The following SCGB1D1 variants were observed in gnomAD, a reference collection of about 807,000 sequenced individuals.
SCGB1D1 encodes the protein lipophilin A (uteroglobin family member).
A neutral mutation model predicts 8.3 loss-of-function variants in SCGB1D1; 10 were observed. That is an observed-to-expected ratio of 1.21 (90% confidence interval 0.74 to 2.05). The LOEUF is 2.05. SCGB1D1 is among the 30% of genes most tolerant of loss of function. The pLI is 0.00. For missense variants in SCGB1D1, 94 were observed against 105.1 expected (o/e 0.89, Z 0.46); for synonymous variants, 46 against 41.7 (o/e 1.10, Z -0.39).
chr11:62,193,431 T>G lies in SCGB1D1; in HGVS notation c.*3T>G, dbSNP rs1295212404. ...TAGCAGAGAAATGTGATCGCTGAGATGTAAAAAGTTTTTAATGCTAGTTTC... is the reference window on the plus strand; with the variant it reads ...TAGCAGAGAAATGTGATCGCTGAGAGGTAAAAAGTTTTTAATGCTAGTTTC... On this transcript the variant is annotated 3_prime_UTR_variant, in exon 3 of 3. Transcript: ENST00000306238. 6.2e-7 allele frequency: 1 copy of G among 1,612,088 alleles called. No individual in the cohort carries two copies. The highest frequency in any genetic ancestry group is 8.5e-7 in the Non-Finnish European group (1 of 1,178,802).
At chr11:62,190,721 C>T (rs1026242547) in intron 1 of SCGB1D1, among the ~76,000 whole-genome samples, 4 of 152,072 alleles carry the variant, frequency 2.6e-5, no homozygotes, top group Non-Finnish European at 5.9e-5. Flanking sequence ...GAGCTTCTTC[C>T]GGGAGTGGCA....
Position 62,190,280 on chromosome 11 carries a change from C to G in SCGB1D1, c.-5C>G. 1 of 1,614,140 alleles carries G rather than the reference C, an allele frequency of 6.2e-7. No individual in the cohort carries two copies. The highest frequency in any genetic ancestry group is 8.5e-7 in the Non-Finnish European group (1 of 1,180,006). On this transcript the variant is annotated 5_prime_UTR_variant, in exon 1 of 3. Transcript: ENST00000306238. ...AAAGCCGAGCTCACAGCAGAATAAG[C>G]CACCATGAGGCTGTCGGTGTGTCTC...
Position 62,192,052 on chromosome 11 carries a change from C to A in SCGB1D1, c.56-4C>A. 6.3e-7 allele frequency: 1 copy of A among 1,584,808 alleles called. No individual in the cohort carries two copies. Among genetic ancestry groups the A allele is most frequent in the Non-Finnish European group, 8.6e-7 (1 of 1,161,936 alleles). On this transcript the variant is annotated splice_region_variant and splice_polypyrimidine_tract_variant and intron_variant, in intron 1 of 2. Transcript: ENST00000306238. The stretch of plus-strand genomic sequence containing the variant: ...CAAATTATATTTTTATTCTTTTGCT[C>A]CAGCAAATGCAGTGGTCTGCCAAGC...
At chr11:62,193,234 G>C (rs1339342829) in intron 2 of SCGB1D1, among the ~76,000 whole-genome samples, 165 bp from the exon 3 acceptor site, 1 of 152,148 alleles carries the variant, frequency 6.6e-6, no homozygotes, top group African/African-American at 2.4e-5. Flanking sequence ...GCAAGGAAAG[G>C]CTGGTCTAGG....
intron 1 of SCGB1D1, among the ~76,000 whole-genome samples, chr11:62,191,690 C>T (rs1235946441): frequency 6.6e-6 from 1 of 152,170 alleles, no homozygotes. Context: ...TACTCAAAGC[C>T]TCCTCTTCAC....
At position 62,192,087 on chromosome 11, in the gene SCGB1D1, T is replaced by C. The variant is rs1216403514; in HGVS notation, c.87T>C (p.Ser29=). Residue 29 remains serine (S), a synonymous_variant, in exon 2 of 3, where the codon TCT becomes TCC. Transcript: ENST00000306238. ...CAGTGGTCTGCCAAGCTCTTGGTTC[T>C]GAAATCACAGGCTTCTTATTAGCTG... ...ANAVVCQALG[S]EITGFLLAGK... is the part of the protein sequence containing the mutation. The C allele has an allele frequency of 6.2e-7, 1 of 1,611,606 alleles. No homozygotes were observed. Among genetic ancestry groups the C allele is most frequent in the Admixed American group, 1.7e-5 (1 of 59,840 alleles).
rs749539291 is a variant in SCGB1D1, at chr11:62,192,212, A to G, written c.212A>G (p.Tyr71Cys). Residue 71 changes from tyrosine to cysteine, a missense_variant, in exon 2 of 3, where the codon TAT becomes TGT. Physicochemically the swap from Tyr to Cys is radical, Grantham distance 194. Transcript: ENST00000306238. ...AAGAAATGCGTGGATACGATGGCCT[A>G]TGAGAAAAGAGTGCTAATTACAAAA... ...EVKKCVDTMA[Y>C]EKRVLITKTL... is the part of the protein sequence containing the mutation. The G allele has an allele frequency of 6.2e-7, 1 of 1,612,588 alleles. No homozygotes were observed. Among genetic ancestry groups the G allele is most frequent in the Non-Finnish European group, 8.5e-7 (1 of 1,178,862 alleles).
At chr11:62,192,510 G>A (rs1484207975) in intron 2 of SCGB1D1, among the ~76,000 whole-genome samples, 3 of 152,210 alleles carry the variant, frequency 2.0e-5, no homozygotes, top group Non-Finnish European at 1.5e-5. Flanking sequence ...TGAGGACATG[G>A]GGAGTGAGCC....
intron 2 of SCGB1D1, among the ~76,000 whole-genome samples, chr11:62,192,563 C>G (rs1445931338): frequency 6.6e-6 from 1 of 152,210 alleles, no homozygotes; most frequent in African/African-American, 2.4e-5. Context: ...ACAACTGTCT[C>G]TCCACCTGGG....
Position 62,190,264 on chromosome 11 carries a change from C to T in SCGB1D1, c.-21C>T, listed in dbSNP as rs373118276. The T allele has an allele frequency of 1.5e-5, 24 of 1,613,998 alleles. No individual in the cohort carries two copies. The highest frequency in any genetic ancestry group is 1.2e-4 in the Admixed American group (7 of 60,012). ...TCACTCATCATTGGTTAAAGCCGAG[C>T]TCACAGCAGAATAAGCCACCATGAG... On this transcript the variant is annotated 5_prime_UTR_variant, in exon 1 of 3. Transcript: ENST00000306238.
At chr11:62,190,418 A>T (rs1944670007) in intron 1 of SCGB1D1, 79 bp downstream of exon 1, 1 of 1,585,400 alleles carries the variant, frequency 6.3e-7, no homozygotes, top group African/African-American at 1.3e-5. Context: ...TATTAAGGTT[A>T]AGGTTGGGGT....
intron 2 of SCGB1D1, among the ~76,000 whole-genome samples, chr11:62,192,491 A>G (rs373920846): frequency 2.0e-5 from 3 of 152,176 alleles, no homozygotes. Flanking sequence ...CCGTGTCCCC[A>G]GAGTGTGCTG....
chr11:62,190,411 T>C, intron 1 of SCGB1D1, 72 bp downstream of exon 1: 1 of 1,592,050 alleles, frequency 6.3e-7, no homozygotes, highest in Admixed American at 1.7e-5. Context: ...GGTCACCTAT[T>C]AAGGTTAAGG....
chr11:62,192,964 A>G (rs563615457), intron 2 of SCGB1D1, among the ~76,000 whole-genome samples: 1 of 152,308 alleles, frequency 6.6e-6, no homozygotes, highest in Admixed American at 6.5e-5. Flanking sequence ...ATGCTCATGG[A>G]AGCTGCAGGC....
intron 2 of SCGB1D1, 49 bp downstream of exon 2, chr11:62,192,292 T>C (rs1295348804): frequency 2.0e-6 from 3 of 1,516,898 alleles, no homozygotes; most frequent in Non-Finnish European, 2.7e-6. Flanking sequence ...AGCGGCACAG[T>C]GTGAAGTGAG....
chr11:62,192,270 A>G (rs369088532), intron 2 of SCGB1D1, 27 bp downstream of exon 2: 2 of 1,585,524 alleles, frequency 1.3e-6, no homozygotes, highest in African/African-American at 1.3e-5. Context: ...TCATGTGTCC[A>G]GGCTTCTGGT....
chr11:62,191,920 G>T (rs910015292), intron 1 of SCGB1D1, 136 bp from the exon 2 acceptor site: 6 of 721,384 alleles, frequency 8.3e-6, no homozygotes, highest in Non-Finnish European at 1.1e-5. Flanking sequence ...CAACCTCCTG[G>T]GTCTGACATT....
At chr11:62,192,275 TCTG>T in intron 2 of SCGB1D1, 32 bp downstream of exon 2, 2 of 1,576,476 alleles carry the variant, frequency 1.3e-6, no homozygotes, top group Non-Finnish European at 8.7e-7. Context: ...TGTCCAGGCT[TCTG>T]GTCAGCGGCA....
At position 62,193,461 on chromosome 11, in the gene SCGB1D1, A is replaced by G. The variant is rs768033512; in HGVS notation, c.*33A>G. On this transcript the variant is annotated 3_prime_UTR_variant, in exon 3 of 3. Transcript: ENST00000306238. ...AAAGTTTTTAATGCTAGTTTCCACC[A>G]TCTTTCAATGATACCCTGATCTTCA... 7 of 1,569,812 alleles carry G rather than the reference A, an allele frequency of 4.5e-6. No homozygotes were observed. The highest frequency in any genetic ancestry group is 6.1e-6 in the Non-Finnish European group (7 of 1,140,448).
Sources: gnomAD v4.1 joint callset for allele counts (sites outside exome capture counted in the v4.1 genomes callset) on GRCh38, gnomAD v4.1.1 for gene constraint, MANE v1.5 for transcripts, NCBI Gene and HGNC (gene_info 2026-07-23, HGNC 2026-07-21) for gene names.